Variants in VEGFC observed in about 807,000 individuals in gnomAD.
VEGFC encodes vascular endothelial growth factor C.
A neutral mutation model predicts 46.1 loss-of-function variants in VEGFC; 12 were observed. The ratio of observed to expected loss-of-function variants is 0.26; its 90% CI spans 0.17 to 0.42. The LOEUF (loss-of-function observed/expected upper bound fraction) is 0.42. Ranked by LOEUF, VEGFC falls within the 10% of genes least tolerant of loss-of-function variation. The pLI is 1.00. For synonymous variants in VEGFC, 232 were observed against 195.5 expected, an observed-to-expected ratio of 1.19 and a Z score of -1.56; for missense variants, 488 against 529.4, an observed-to-expected ratio of 0.92 and a Z score of 0.77.
intron 1 of VEGFC, among the ~76,000 whole-genome samples, chr4:176,745,226 T>C (rs1450494559): frequency 1.3e-5 from 2 of 152,144 alleles, no homozygotes; most frequent in Non-Finnish European, 2.9e-5. Context: ...GAATATCTAC[T>C]GGTGCTACCA....
chr4:176,685,106 C>A (rs1002766819), intron 6 of VEGFC, among the ~76,000 whole-genome samples: 1 of 152,150 alleles, frequency 6.6e-6, no homozygotes, highest in African/African-American at 2.4e-5. Context: ...GGGAAAAGTG[C>A]AAGATGACCT....
chr4:176,690,647 CTCT>C (rs1217639802), intron 4 of VEGFC, among the ~76,000 whole-genome samples: 1 of 152,056 alleles, frequency 6.6e-6, no homozygotes, highest in African/African-American at 2.4e-5. Context: ...AATTTATATC[CTCT>C]TGATAGTTAG....
At chr4:176,788,648 C>A (rs1023162519) in intron 1 of VEGFC, among the ~76,000 whole-genome samples, 5 of 152,124 alleles carry the variant, frequency 3.3e-5, no homozygotes, top group African/African-American at 9.7e-5. Flanking sequence ...TGTCCAGCAT[C>A]CAGAGAAAGT....
chr4:176,761,052 A>G (rs1735521832), intron 1 of VEGFC, among the ~76,000 whole-genome samples: 1 of 152,230 alleles, frequency 6.6e-6, no homozygotes, highest in African/African-American at 2.4e-5. Flanking sequence ...GAAGGGGAAA[A>G]CGTTCTGTAT....
intron 4 of VEGFC, among the ~76,000 whole-genome samples, chr4:176,688,519 C>G (rs2110965058): frequency 6.6e-6 from 1 of 152,292 alleles, no homozygotes; most frequent in Middle Eastern, 3.4e-3. Flanking sequence ...AATTTCCACT[C>G]TGTACTCCCC....
At chr4:176,763,355 G>GA (rs932951517) in intron 1 of VEGFC, among the ~76,000 whole-genome samples, 4 of 69,198 alleles carry the variant, frequency 5.8e-5, no homozygotes, top group South Asian at 1.9e-3. Flanking sequence ...AAGAGAAAAT[G>GA]AAAAAAAACT....
chr4:176,696,378 T>C (rs1449228325), intron 4 of VEGFC, among the ~76,000 whole-genome samples: 2 of 150,030 alleles, frequency 1.3e-5, no homozygotes. Flanking sequence ...TGAACTCCCA[T>C]TCACAATTGC....
At chr4:176,749,904 A>G (rs1163235608) in intron 1 of VEGFC, among the ~76,000 whole-genome samples, 1 of 151,774 alleles carries the variant, frequency 6.6e-6, no homozygotes, top group African/African-American at 2.4e-5. Flanking sequence ...ATTCTATAAC[A>G]TATTGTGTCT....
intron 1 of VEGFC, among the ~76,000 whole-genome samples, chr4:176,777,468 C>CTT (rs530216634): frequency 1.3e-5 from 2 of 152,122 alleles, no homozygotes; most frequent in African/African-American, 4.8e-5. Context: ...ACCTAAAACA[C>CTT]TTTACATCTT....
At chr4:176,772,159 T>A (rs989303710) in intron 1 of VEGFC, among the ~76,000 whole-genome samples, 1 of 152,194 alleles carries the variant, frequency 6.6e-6, no homozygotes, top group Non-Finnish European at 1.5e-5. Context: ...TCAACACCAA[T>A]ATGTTAAAGA....
chr4:176,718,730 ACT>A (rs751670127), intron 3 of VEGFC, among the ~76,000 whole-genome samples: 8 of 151,974 alleles, frequency 5.3e-5, no homozygotes, highest in Non-Finnish European at 8.8e-5. Context: ...TTTCAGGAAG[ACT>A]CTAGAGATTG....
intron 1 of VEGFC, among the ~76,000 whole-genome samples, chr4:176,744,364 A>C (rs942847107): frequency 6.6e-6 from 1 of 151,974 alleles, no homozygotes. Flanking sequence ...GAAAAAAAAA[A>C]CCTATTTTCT....
intron 4 of VEGFC, among the ~76,000 whole-genome samples, chr4:176,705,122 T>C (rs1306194164): frequency 6.6e-6 from 1 of 152,208 alleles, no homozygotes; most frequent in East Asian, 1.9e-4. Context: ...TAAAGAATTA[T>C]ATTATTCATT....
intron 1 of VEGFC, among the ~76,000 whole-genome samples, chr4:176,737,262 T>C (rs1286407653): frequency 3.2e-5 from 4 of 124,982 alleles, no homozygotes; most frequent in Non-Finnish European, 6.8e-5. Context: ...TAAATGTTAA[T>C]AAATATAGAA....
At chr4:176,755,250 C>G (rs1342235898) in intron 1 of VEGFC, among the ~76,000 whole-genome samples, 1 of 152,078 alleles carries the variant, frequency 6.6e-6, no homozygotes, top group African/African-American at 2.4e-5. Flanking sequence ...ATCATCTCCA[C>G]TTTATTCCCT....
At chr4:176,731,475 A>G (rs1734963603) in intron 1 of VEGFC, among the ~76,000 whole-genome samples, 1 of 151,934 alleles carries the variant, frequency 6.6e-6, no homozygotes, top group Admixed American at 6.6e-5. Context: ...TCACACCTCA[A>G]TAATGTTGGA....
chr4:176,688,807 C>T (rs1734094950), intron 4 of VEGFC, among the ~76,000 whole-genome samples: 1 of 152,198 alleles, frequency 6.6e-6, no homozygotes, highest in Non-Finnish European at 1.5e-5. Context: ...ATATCACAAG[C>T]TCAGCTTGCT....
chr4:176,725,828 G>A (rs1364216006), intron 3 of VEGFC, among the ~76,000 whole-genome samples: 1 of 152,032 alleles, frequency 6.6e-6, no homozygotes, highest in Non-Finnish European at 1.5e-5. Flanking sequence ...GGTTTGGCTT[G>A]AAGATAAAAA....
At chr4:176,740,131 ATATATAACTATATATAGAAGT>A (rs1179562645) in intron 1 of VEGFC, among the ~76,000 whole-genome samples, 1 of 126,474 alleles carries the variant, frequency 7.9e-6, no homozygotes, top group Non-Finnish European at 1.6e-5. Flanking sequence ...TATATATAGA[ATATATAACTATATATAGAAGT>A]TATATATATA....
Sources: allele counts gnomAD v4.1 joint callset (sites outside exome capture counted in the v4.1 genomes callset), GRCh38; gene constraint gnomAD v4.1.1; transcripts MANE v1.5; gene names NCBI Gene and HGNC (gene_info 2026-07-23, HGNC 2026-07-21).